Variants in GALNT13 observed in about 807,000 individuals in gnomAD.
GALNT13 encodes the protein UDP-GalNAc:polypeptide N-acetylgalactosaminyltransferase 13.
Under a neutral mutation model 64.2 loss-of-function variants are expected in GALNT13, and 28 were observed. That is an observed-to-expected ratio of 0.44 (90% CI 0.32 to 0.60). The LOEUF is 0.60. GALNT13 is among the 20% of genes least tolerant of loss of function. The pLI, the probability that GALNT13 is intolerant of heterozygous loss-of-function variation, is 0.05. For missense variants in GALNT13, 577 were observed against 669.8 expected, an observed-to-expected ratio of 0.86 and a Z score of 1.53; for synonymous variants, 214 against 224.6, an observed-to-expected ratio of 0.95 and a Z score of 0.42.
At chr2:153,877,107 A>G (rs971836563) in intron 1 of GALNT13, among the ~76,000 whole-genome samples, 13 of 152,128 alleles carry the variant, frequency 8.5e-5, no homozygotes, top group African/African-American at 2.9e-4. Context: ...TATTATTACC[A>G]TAGATATGAA....
the GALNT13 span, among the ~76,000 whole-genome samples, chr2:153,765,902 G>T: frequency 6.6e-6 from 1 of 152,148 alleles, no homozygotes; most frequent in Non-Finnish European, 1.5e-5. Context: ...TCTCTTGCCT[G>T]CCACCACGTA....
the GALNT13 span, among the ~76,000 whole-genome samples, chr2:153,582,526 A>G: frequency 6.6e-6 from 1 of 152,144 alleles, no homozygotes; most frequent in African/African-American, 2.4e-5. Context: ...GCCAAAAGAT[A>G]TATATCTCTC....
chr2:153,248,795 G>A, the GALNT13 span, among the ~76,000 whole-genome samples: 16 of 124,512 alleles, frequency 1.3e-4, no homozygotes, highest in Non-Finnish European at 2.2e-4. Flanking sequence ...CAGCCTGGGC[G>A]ACTGAGCGAG....
At chr2:153,273,563 G>T in the GALNT13 span, among the ~76,000 whole-genome samples, 3 of 152,140 alleles carry the variant, frequency 2.0e-5, no homozygotes, top group Non-Finnish European at 4.4e-5. Flanking sequence ...TATAATTGGT[G>T]GCCGTATATA....
chr2:153,272,116 A>G, the GALNT13 span, among the ~76,000 whole-genome samples: 3 of 151,938 alleles, frequency 2.0e-5, no homozygotes, highest in Non-Finnish European at 2.9e-5. Context: ...AAAAATTAAG[A>G]TGGATTAAAG....
At chr2:154,137,230 C>G (rs2105568642) in intron 3 of GALNT13, among the ~76,000 whole-genome samples, 1 of 152,170 alleles carries the variant, frequency 6.6e-6, no homozygotes, top group East Asian at 1.9e-4. Flanking sequence ...TCGTTCCCCA[C>G]TATAACTACT....
At chr2:153,861,065 G>A in the GALNT13 span, among the ~76,000 whole-genome samples, 5 of 152,122 alleles carry the variant, frequency 3.3e-5, no homozygotes, top group Non-Finnish European at 7.3e-5. Flanking sequence ...ACAGCAAGGA[G>A]CATGAAAGCT....
chr2:154,196,749 T>G (rs1341554174), intron 4 of GALNT13, among the ~76,000 whole-genome samples: 5 of 152,208 alleles, frequency 3.3e-5, no homozygotes, highest in Non-Finnish European at 7.3e-5. Context: ...AATTATAGAT[T>G]TGGACTTTCA....
intron 9 of GALNT13, among the ~76,000 whole-genome samples, chr2:154,324,004 T>A (rs1694752940): frequency 6.6e-6 from 1 of 152,108 alleles, no homozygotes; most frequent in Non-Finnish European, 1.5e-5. Flanking sequence ...TAAATACCCA[T>A]CCTATTTTGG....
chr2:153,362,549 A>G, the GALNT13 span, among the ~76,000 whole-genome samples: 1 of 100,490 alleles, frequency 1.0e-5, no homozygotes, highest in Non-Finnish European at 2.2e-5. Context: ...AAGCAAATGG[A>G]GAGCAAAAAA....
chr2:153,863,902 G>C, the GALNT13 span, among the ~76,000 whole-genome samples: 1 of 152,084 alleles, frequency 6.6e-6, no homozygotes, highest in Non-Finnish European at 1.5e-5. Context: ...ATGTGTAATT[G>C]CTTCTTACAT....
the GALNT13 span, among the ~76,000 whole-genome samples, chr2:153,322,961 G>A: frequency 6.6e-6 from 1 of 152,198 alleles, no homozygotes; most frequent in Non-Finnish European, 1.5e-5. Context: ...ATAAACATAC[G>A]TGTGCATGTG....
chr2:153,248,954 C>T, the GALNT13 span, among the ~76,000 whole-genome samples: 217 of 152,206 alleles, frequency 1.4e-3, no homozygotes, highest in African/African-American at 5.1e-3. Context: ...GAAGCATTCC[C>T]CTTGAAAACT....
At chr2:153,895,265 A>T (rs143255443) in intron 1 of GALNT13, among the ~76,000 whole-genome samples, 129 of 152,022 alleles carry the variant, frequency 8.5e-4, no homozygotes, top group Middle Eastern at 6.8e-3. Context: ...GTTCAGGGGG[A>T]TTTGTAGTGT....
the GALNT13 span, among the ~76,000 whole-genome samples, chr2:153,635,443 C>CATATATGTATATATATATAT: frequency 6.9e-6 from 1 of 144,530 alleles, no homozygotes; most frequent in Non-Finnish European, 1.5e-5. Context: ...TATATATACA[C>CATATATGTATATATATATAT]ACATATATAT....
intron 4 of GALNT13, among the ~76,000 whole-genome samples, chr2:154,234,621 A>C (rs555215438): frequency 6.6e-6 from 1 of 152,274 alleles, no homozygotes; most frequent in African/African-American, 2.4e-5. Context: ...ATTTTTGGTT[A>C]TAGAAAAAAT....
At chr2:154,255,046 CA>C (rs1311464878) in intron 7 of GALNT13, among the ~76,000 whole-genome samples, 2 of 151,942 alleles carry the variant, frequency 1.3e-5, no homozygotes, top group African/African-American at 4.8e-5. Context: ...CAAAGTCTGA[CA>C]GCAAGGAAAA....
chr2:154,258,098 C>T (rs1175093976), intron 7 of GALNT13, among the ~76,000 whole-genome samples: 1 of 152,050 alleles, frequency 6.6e-6, no homozygotes, highest in Non-Finnish European at 1.5e-5. Flanking sequence ...AACTAACATT[C>T]AAAAGTCATC....
intron 9 of GALNT13, among the ~76,000 whole-genome samples, chr2:154,394,032 T>C (rs1204658826): frequency 2.8e-4 from 32 of 114,312 alleles, no homozygotes; most frequent in East Asian, 1.8e-3. Flanking sequence ...GAGCCGAGAT[T>C]GCGCCACTGC....
Sources: allele counts gnomAD v4.1 joint callset (sites outside exome capture counted in the v4.1 genomes callset), GRCh38; gene constraint gnomAD v4.1.1; transcripts MANE v1.5; gene names NCBI Gene and HGNC (gene_info 2026-07-23, HGNC 2026-07-21).